Variants in CHCHD6 observed in about 807,000 individuals in gnomAD.
The protein encoded by CHCHD6 is MICOS complex subunit MIC25.
A neutral mutation model predicts 32.3 loss-of-function variants in CHCHD6; 28 were observed. The ratio of observed to expected loss-of-function variants is 0.87; its 90% CI spans 0.64 to 1.19. CHCHD6 has a LOEUF of 1.19. CHCHD6 is among the 50% of genes most tolerant of loss of function. CHCHD6 has a pLI of 0.00. For synonymous variants in CHCHD6, 122 were observed against 117.5 expected, an observed-to-expected ratio of 1.04 and a Z score of -0.25; for missense variants, 333 against 307.0, an observed-to-expected ratio of 1.08 and a Z score of -0.63.
intron 4 of CHCHD6, among the ~76,000 whole-genome samples, chr3:126,784,137 G>A (rs1256113493): frequency 6.6e-6 from 1 of 152,092 alleles, no homozygotes; most frequent in African/African-American, 2.4e-5. Context: ...AATAGGATGG[G>A]CAGGAATCTA....
rs73207609 is a variant in CHCHD6 at position 126,895,549 on chromosome 3, A to C, written c.496-19131A>C. On this transcript the variant is annotated intron_variant, in intron 5 of 7. Coordinates refer to ENST00000290913, the MANE Select transcript of CHCHD6 (RefSeq NM_032343.3). ...TTTGGGCCAGTAGAAATTTGTGTTC[A>C]AGTTCCCATGAAAGGCCCTCTGTCT... Among the ~76,000 whole-genome samples the C allele has an allele frequency of 7.3e-3, 1,111 of 152,352 alleles. 7 individuals carry two copies. Among genetic ancestry groups the C allele is most frequent in the Non-Finnish European group, 0.012 (813 of 68,028 alleles).
intron 4 of CHCHD6, among the ~76,000 whole-genome samples, chr3:126,802,608 G>A (rs1006042559): frequency 1.2e-3 from 182 of 152,292 alleles, no homozygotes; most frequent in Non-Finnish European, 2.2e-3. Context: ...TGAAAGTGAC[G>A]GGGAGAATGG....
intron 5 of CHCHD6, among the ~76,000 whole-genome samples, chr3:126,853,507 T>G (rs1941550006): frequency 6.6e-6 from 1 of 152,148 alleles, no homozygotes; most frequent in African/African-American, 2.4e-5. Flanking sequence ...GCTTTGAAAT[T>G]GACAGTTTGC....
At chr3:126,735,456 T>C (rs1936001683) in intron 4 of CHCHD6, among the ~76,000 whole-genome samples, 1 of 152,244 alleles carries the variant, frequency 6.6e-6, no homozygotes, top group Admixed American at 6.5e-5. Context: ...GCATTCTCAT[T>C]TTCTGACTGC....
chr3:126,778,059 CATA>C (rs1186486890), intron 4 of CHCHD6, among the ~76,000 whole-genome samples: 5 of 152,300 alleles, frequency 3.3e-5, no homozygotes, highest in Admixed American at 2.6e-4. Context: ...TCTCATTTAG[CATA>C]ATGTGTTCAA....
At chr3:126,872,773 A>G (rs1034892237) in intron 5 of CHCHD6, among the ~76,000 whole-genome samples, 2 of 152,148 alleles carry the variant, frequency 1.3e-5, no homozygotes, top group African/African-American at 4.8e-5. Flanking sequence ...CAAGGGGCAA[A>G]ACAGGATGTT....
rs574365595 is a variant in CHCHD6 at position 126,938,862 on chromosome 3, G to A, written c.567-18554G>A. Among the ~76,000 whole-genome samples, 22 of 152,318 alleles carry A rather than the reference G, an allele frequency of 1.4e-4. 1 individual carries two copies. The East Asian group carries it at 3.1e-3, about 21-fold the overall frequency. On this transcript the variant is annotated intron_variant, in intron 6 of 7. Coordinates refer to ENST00000290913, the MANE Select transcript of CHCHD6 (RefSeq NM_032343.3). ...AGAAGCTGTTCCTGCCACCGGCAGC[G>A]ATCTTCACCCCAAGCTCCCTGCATG...
intron 4 of CHCHD6, among the ~76,000 whole-genome samples, chr3:126,832,912 G>C (rs924638742): frequency 1.3e-5 from 2 of 152,326 alleles, no homozygotes; most frequent in South Asian, 4.1e-4. Flanking sequence ...GAAAGGGTGG[G>C]GAGGACCTCA....
chr3:126,745,154 T>C (rs1936441149), intron 4 of CHCHD6, among the ~76,000 whole-genome samples: 1 of 152,222 alleles, frequency 6.6e-6, no homozygotes, highest in East Asian at 1.9e-4. Flanking sequence ...TGAGCAGTTT[T>C]ACCTGGACAC....
chr3:126,800,485 G>A (rs1939011117), intron 4 of CHCHD6, among the ~76,000 whole-genome samples: 1 of 152,314 alleles, frequency 6.6e-6, no homozygotes, highest in African/African-American at 2.4e-5. Flanking sequence ...GAATTGGAGG[G>A]AGCAGGCCCC....
At chr3:126,751,540 TA>T (rs1331637716) in intron 4 of CHCHD6, among the ~76,000 whole-genome samples, 2 of 148,662 alleles carry the variant, frequency 1.3e-5, no homozygotes, top group Admixed American at 6.7e-5. Flanking sequence ...TGCATTGCCC[TA>T]ACTTGATTTT....
At chr3:126,757,327 T>C (rs1320741528) in intron 4 of CHCHD6, among the ~76,000 whole-genome samples, 3 of 152,248 alleles carry the variant, frequency 2.0e-5, no homozygotes, top group South Asian at 2.1e-4. Flanking sequence ...GACCCTGTAC[T>C]TGGGGACTTT....
chr3:126,731,935 G>A (rs1416219064), intron 3 of CHCHD6, among the ~76,000 whole-genome samples: 2 of 151,938 alleles, frequency 1.3e-5, no homozygotes, highest in Non-Finnish European at 2.9e-5. Context: ...AACGTTAACT[G>A]GGGGGTAGTA....
intron 5 of CHCHD6, among the ~76,000 whole-genome samples, chr3:126,864,029 CCAT>C (rs1309096477): frequency 4.0e-5 from 6 of 149,848 alleles, no homozygotes; most frequent in African/African-American, 1.5e-4. Flanking sequence ...TCCTTCACCA[CCAT>C]CACCACCTCC....
Position 126,854,513 on chromosome 3 carries a change from G to A in CHCHD6, c.495+1783G>A, listed in dbSNP as rs370481714. ...GAAAAAGGTTTTTGATCTTCTCCAC[G>A]GATAATTTTATTCCTGTAATGGCTG... On this transcript the variant is annotated intron_variant, in intron 5 of 7. Transcript: ENST00000290913. 5.3e-5 allele frequency among the ~76,000 whole-genome samples: 8 copies of A among 152,256 alleles called. No individual in the cohort carries two copies. The East Asian group carries it at 9.6e-4, about 18-fold the overall frequency.
chr3:126,730,985 G>T (rs2107658477), intron 3 of CHCHD6, among the ~76,000 whole-genome samples: 1 of 150,946 alleles, frequency 6.6e-6, no homozygotes, highest in East Asian at 2.0e-4. Flanking sequence ...GTGTGCCTGT[G>T]TAGTCCCAGT....
intron 6 of CHCHD6, among the ~76,000 whole-genome samples, chr3:126,922,622 CGT>C (rs10544737): frequency 0.72 from 105,988 of 147,630 alleles, 38,450 homozygotes; most frequent in East Asian, 0.81. Context: ...CAGCCCACCA[CGT>C]GTGTGTGTGT....
At chr3:126,721,273 T>C (rs1217793723) in intron 1 of CHCHD6, among the ~76,000 whole-genome samples, 1 of 152,184 alleles carries the variant, frequency 6.6e-6, no homozygotes, top group Non-Finnish European at 1.5e-5. Flanking sequence ...TTCATCCAAG[T>C]CCTTCCACCC....
In CHCHD6 at chr3:126,957,653, T is replaced by C. The variant is rs956581992; in HGVS notation, c.702+102T>C. On this transcript the variant is annotated intron_variant, in intron 7 of 7. Transcript: ENST00000290913. ...CTCTGCCTGCCTTTTCCTGTTAGAA[T>C]CAGATGCTCCACTTGGAGGTCTCTG... The C allele has an allele frequency of 6.6e-6, 9 of 1,368,808 alleles. No homozygotes were observed. The East Asian group carries it at 2.3e-4, about 34-fold the overall frequency. The allele number at this position is 1,368,808 out of a possible 1,614,324, so 84.8% of individuals were successfully genotyped here.
Sources: allele counts gnomAD v4.1 joint callset (sites outside exome capture counted in the v4.1 genomes callset), GRCh38; gene constraint gnomAD v4.1.1; transcripts MANE v1.5; gene names NCBI Gene and HGNC (gene_info 2026-07-23, HGNC 2026-07-21).